SUSD2: variants seen among roughly 807,000 people sequenced by gnomAD.
SUSD2 encodes sushi domain containing 2.
Under a neutral mutation model 93.8 loss-of-function variants are expected in SUSD2, and 86 were observed. That is an observed-to-expected ratio of 0.92 (90% CI 0.77 to 1.10). The LOEUF is 1.10. Ranked by LOEUF, SUSD2 falls within the 50% of genes least tolerant of loss-of-function variation. SUSD2 has a pLI of 0.00. For missense variants in SUSD2, 1,060 were observed against 1,137.0 expected, an observed-to-expected ratio of 0.93 and a Z score of 0.97; for synonymous variants, 483 against 485.0, an observed-to-expected ratio of 1.00 and a Z score of 0.05.
chr22:24,182,288 C>T (rs2047330075), intron 1 of SUSD2, among the ~76,000 whole-genome samples: 10 of 152,184 alleles, frequency 6.6e-5, no homozygotes, highest in Admixed American at 6.5e-4. Context: ...TCATGCCAGC[C>T]CCTGGAAATA....
Position 24,187,371 on chromosome 22 carries a change from C to T in SUSD2, c.1812C>T (p.Thr604=), listed in dbSNP as rs768137061. The change falls in exon 11 of 15, where the codon ACC becomes ACT. Residue 604 remains threonine, a synonymous_variant. Coordinates refer to ENST00000358321, the MANE Select transcript of SUSD2 (RefSeq NM_019601.4). ...GLLGTLNNDP[T]DDFTLHSGRV... The stretch of plus-strand genomic sequence containing the variant: ...TCGGGACACTCAACAACGACCCCAC[C>T]GACGACTTCACCCTGCACAGCGGGC... 1.6e-5 allele frequency: 26 copies of T among 1,613,920 alleles called. No homozygotes were observed. The highest frequency in any genetic ancestry group is 4.5e-5 in the East Asian group (2 of 44,890).
chr22:24,185,375 G>C, intron 6 of SUSD2, 80 bp downstream of exon 6: 1 of 1,548,728 alleles, frequency 6.5e-7, no homozygotes, highest in South Asian at 1.2e-5. Flanking sequence ...GAGGCAGACA[G>C]AGGTGTCCTG....
At chr22:24,184,648 C>G in intron 4 of SUSD2, 118 bp from the exon 5 acceptor site, 1 of 811,868 alleles carries the variant, frequency 1.2e-6, no homozygotes, top group South Asian at 1.8e-5. Flanking sequence ...TAGAACAGCC[C>G]CTCCTAAGGG....
intron 11 of SUSD2, 60 bp downstream of exon 11, chr22:24,187,510 G>A: frequency 6.2e-7 from 1 of 1,604,514 alleles, no homozygotes; most frequent in Non-Finnish European, 8.5e-7. Flanking sequence ...ACATGGCACG[G>A]GCAGGGCTTG....
At chr22:24,186,692 G>A in intron 10 of SUSD2, 3 of 508,168 alleles carry the variant, frequency 5.9e-6, no homozygotes, top group Non-Finnish European at 7.1e-6. Flanking sequence ...CCGCTGGCCT[G>A]CACAGAGCCA....
intron 1 of SUSD2, 35 bp downstream of exon 1, chr22:24,181,630 C>G (rs1311760488): frequency 2.0e-6 from 3 of 1,495,994 alleles, no homozygotes; most frequent in Non-Finnish European, 2.7e-6. Flanking sequence ...CCCCGTCTGT[C>G]TGTCCATCTG....
rs1987560255 is a variant in SUSD2, at chr22:24,188,318, A to G, written c.2435A>G (p.Lys812Arg). The change falls in exon 14 of 15, where the codon AAG (lysine) becomes AGG (arginine). Residue 812 changes from lysine (K) to arginine (R), a missense_variant. By Grantham distance (26) the Lys-to-Arg change is conservative. Around this residue, in one of 2 missense-constraint regions of SUSD2, gnomAD observed 973 missense variants for 1,005.3 expected, o/e 0.97. Coordinates refer to ENST00000358321, the MANE Select transcript of SUSD2 (RefSeq NM_019601.4). The surrounding 1 kb of genome is among the most constrained non-coding windows in gnomAD (Gnocchi z 4.7). Reference protein sequence around the residue: ...ALVYVLLRRRKGNTHVWGAQP With the variant: ...ALVYVLLRRRRGNTHVWGAQP ...GTCTATGTGCTGCTGCGCCGCAGGA[A>G]GGGCAACACGTGAGACCCCCCAGCC... 3.1e-6 allele frequency: 5 copies of G among 1,606,020 alleles called. No individual in the cohort carries two copies. Among genetic ancestry groups the G allele is most frequent in the Non-Finnish European group, 4.2e-6 (5 of 1,176,708 alleles).
chr22:24,183,442 G>A (rs914053228), intron 2 of SUSD2, 53 bp from the exon 3 acceptor site: 32 of 1,581,730 alleles, frequency 2.0e-5, no homozygotes, highest in African/African-American at 9.4e-5. Flanking sequence ...CCAGACCATC[G>A]AGAGGCTCAG....
At chr22:24,187,514 G>A in intron 11 of SUSD2, 57 bp from the exon 12 acceptor site, 3 of 1,604,112 alleles carry the variant, frequency 1.9e-6, no homozygotes, top group South Asian at 2.2e-5. Flanking sequence ...GGCACGGGCA[G>A]GGCTTGGGGA....
In SUSD2 at chr22:24,186,133, G is replaced by A. The variant is rs201929646; in HGVS notation, c.1457G>A (p.Arg486Gln). 5.4e-5 allele frequency: 87 copies of A among 1,611,200 alleles called. 1 individual carries two copies. The Middle Eastern group carries it at 1.2e-3, about 21-fold the overall frequency. The part of the protein sequence containing the change: ...AALTDLRVQA[R>Q]AQPGTMSNGT... The stretch of plus-strand genomic sequence containing the variant: ...CTGACCGACCTGAGGGTGCAGGCGC[G>A]GGCCCAGCCCGGGACGATGTCCAAC... The change falls in exon 9 of 15, where the codon CGG (arginine) becomes CAG (glutamine). Residue 486 changes from arginine (R) to glutamine (Q), a missense_variant. Coordinates refer to ENST00000358321, the MANE Select transcript of SUSD2 (RefSeq NM_019601.4).
chr22:24,181,992 C>T (rs898188330), intron 1 of SUSD2, among the ~76,000 whole-genome samples: 12 of 152,330 alleles, frequency 7.9e-5, no homozygotes, highest in African/African-American at 2.9e-4. Context: ...GCCCCCCGTC[C>T]CCCACCCCAT....
rs1475346419 is a variant in SUSD2 at position 24,188,012 on chromosome 22, A to T, written c.2218A>T (p.Arg740Trp). 1 of 1,612,914 alleles carries T rather than the reference A, an allele frequency of 6.2e-7. No homozygotes were observed. The highest frequency in any genetic ancestry group is 1.3e-5 in the African/African-American group (1 of 74,936). ...PPPNGQKEGNRYLAGSTIYFH... is the reference protein window; with the variant it reads ...PPPNGQKEGNWYLAGSTIYFH... The stretch of plus-strand genomic sequence containing the variant: ...TCCCAACGGACAAAAGGAGGGCAAC[A>T]GGTACCTGGCGGGTTCCACCATCTA... The change falls in exon 13 of 15, where the codon AGG becomes TGG. Residue 740 changes from arginine (R) to tryptophan (W), a missense_variant. Physicochemically the swap from Arg to Trp is moderately radical, Grantham distance 101. Transcript: ENST00000358321. This position sits in a 1 kb window ranked among gnomAD's most constrained non-coding sequence, Gnocchi z 4.7.
chr22:24,186,017 C>T lies in SUSD2; in HGVS notation c.1341C>T (p.Ala447=). The T allele has an allele frequency of 6.2e-7, 1 of 1,607,034 alleles. No individual in the cohort carries two copies. Among genetic ancestry groups the T allele is most frequent in the Non-Finnish European group, 8.5e-7 (1 of 1,176,052 alleles). ...CGTGACCCTCCACTCTCACCCTAGC[C>T]TCCGCCTTCGGAGACCCACACTTTG... The part of the protein sequence containing the change: ...DCRNYRPPRL[A]SAFGDPHFVT... The change falls in exon 9 of 15, where the codon GCC becomes GCT. Residue 447 remains alanine, a splice_region_variant and synonymous_variant. Transcript: ENST00000358321.
rs1221436952 is a variant in SUSD2 at position 24,187,333 on chromosome 22, AC to A, written c.1777del (p.His593ThrfsTer107). Reference protein sequence around the residue: ...VLLPEKFLTHTHGLLGTLNND... With the variant: ...VLLPEKFLTHXHGLLGTLNND... The stretch of plus-strand genomic sequence containing the variant: ...GCTGCCTGAGAAGTTCCTCACCCAC[AC>A]CCACGGCCTCCTCGGGACACTCAAC... On this transcript the variant is annotated frameshift_variant, in exon 11 of 15. Transcript: ENST00000358321. LOFTEE classifies it high-confidence loss of function. 6.2e-7 allele frequency: 1 copy of A among 1,613,082 alleles called. No homozygotes were observed. The highest frequency in any genetic ancestry group is 8.5e-7 in the Non-Finnish European group (1 of 1,179,808).
chr22:24,184,819 G>A lies in SUSD2; in HGVS notation c.661G>A (p.Ala221Thr). The A allele has an allele frequency of 6.2e-7, 1 of 1,613,498 alleles. No individual in the cohort carries two copies. ...TAKWSYLYPL[A>T]THIPNSGSFT... is the part of the protein sequence containing the mutation. ...AAAGTGGTCGTACCTGTACCCCCTG[G>A]CCACACACATCCCCAACTCCGGCTC... The change falls in exon 5 of 15, where the codon GCC (alanine) becomes ACC (threonine). Residue 221 changes from alanine (A) to threonine (T), a missense_variant. By Grantham distance (58) the Ala-to-Thr change is moderately conservative. Coordinates refer to ENST00000358321, the MANE Select transcript of SUSD2 (RefSeq NM_019601.4).
chr22:24,184,294 G>A lies in SUSD2; in HGVS notation c.598G>A (p.Glu200Lys), dbSNP rs769963678. The A allele has an allele frequency of 1.5e-5, 25 of 1,613,132 alleles. No homozygotes were observed. Among genetic ancestry groups the A allele is most frequent in the African/African-American group, 5.3e-5 (4 of 74,946 alleles). Reference protein sequence around the residue: ...QTITIELWGYEETGMPYSQEW... With the variant: ...QTITIELWGYKETGMPYSQEW... The stretch of plus-strand genomic sequence containing the variant: ...CATCACCATCGAACTGTGGGGCTAC[G>A]AGGAGACAGGTGAGGCCAGCTGAGG... The change falls in exon 4 of 15, where the codon GAG becomes AAG. Residue 200 changes from glutamate (E) to lysine (K), a missense_variant. Around this residue, in one of 2 missense-constraint regions of SUSD2, gnomAD observed 973 missense variants for 1,005.3 expected, o/e 0.97. Coordinates refer to ENST00000358321, the MANE Select transcript of SUSD2 (RefSeq NM_019601.4).
Position 24,183,603 on chromosome 22 carries a change from G to A in SUSD2, c.396G>A (p.Leu132=), listed in dbSNP as rs1434842295. The A allele has an allele frequency of 8.7e-6, 14 of 1,613,110 alleles. No individual in the cohort carries two copies. Among genetic ancestry groups the A allele is most frequent in the African/African-American group, 1.3e-5 (1 of 75,054 alleles). Residue 132 remains leucine (L), a synonymous_variant, in exon 3 of 15, where the codon CTG becomes CTA. Coordinates refer to ENST00000358321, the MANE Select transcript of SUSD2 (RefSeq NM_019601.4). Reference sequence around the variant, plus strand: ...GCCGCATCCCCTTCACTGTGTCACTGGACAACGGCCACTCCTTCCCTCGTG... The same window carrying A: ...GCCGCATCCCCTTCACTGTGTCACTAGACAACGGCCACTCCTTCCCTCGTG... ...ESGRIPFTVS[L]DNGHSFPRAG... is the part of the protein sequence containing the mutation.
intron 1 of SUSD2, 133 bp downstream of exon 1, chr22:24,181,728 A>T: frequency 1.4e-6 from 1 of 709,186 alleles, no homozygotes. Context: ...GGGTGATGGG[A>T]AGAAATTCTG....
In SUSD2 at chr22:24,187,861, G is replaced by A. The variant is rs112820354; in HGVS notation, c.2164+18G>A. The A allele has an allele frequency of 0.019, 31,269 of 1,605,320 alleles. 397 individuals carry two copies. The highest frequency in any genetic ancestry group is 0.05 in the African/African-American group (3,724 of 74,942). ...GCAGCCAGGTGAGGGCGGGCAGGTG[G>A]GGGTGGGCGGGGAGCTGGGACAGGA... On this transcript the variant is annotated intron_variant, in intron 12 of 14. Transcript: ENST00000358321.
Sources: allele counts gnomAD v4.1 joint callset (sites outside exome capture counted in the v4.1 genomes callset), GRCh38; gene constraint gnomAD v4.1.1; regional missense constraint gnomAD v4.1.1; non-coding constraint Gnocchi (gnomAD v3.1); transcripts MANE v1.5; gene names NCBI Gene and HGNC (gene_info 2026-07-23, HGNC 2026-07-21).